The following EFEMP1 variants were observed in gnomAD, a reference collection of about 807,000 sequenced individuals.
EFEMP1 encodes the protein EGF-containing fibulin-like extracellular matrix protein 1.
EFEMP1 carries 18 observed loss-of-function variants against 65.7 expected under a neutral mutation model. That is an observed-to-expected ratio of 0.27 (90% CI 0.19 to 0.41). EFEMP1 has a LOEUF of 0.41. EFEMP1 is among the 10% of genes least tolerant of loss of function. EFEMP1 has a pLI of 1.00. For missense variants in EFEMP1, 469 were observed against 624.8 expected (o/e 0.75, Z 2.66); for synonymous variants, 237 against 219.7 (o/e 1.08, Z -0.70).
intron 5 of EFEMP1, among the ~76,000 whole-genome samples, chr2:55,890,325 C>A (rs957786710): frequency 6.6e-6 from 1 of 151,584 alleles, no homozygotes; most frequent in Admixed American, 6.6e-5. Flanking sequence ...TCAGTATAGA[C>A]AAATAAAAAA....
intron 6 of EFEMP1, among the ~76,000 whole-genome samples, chr2:55,879,123 T>C (rs1011519241): frequency 6.6e-6 from 1 of 152,144 alleles, no homozygotes; most frequent in Non-Finnish European, 1.5e-5. Context: ...GTACTCGACA[T>C]TGTGTTATGT....
Position 55,917,443 on chromosome 2 carries a change from C to A in EFEMP1, c.517+222G>T, listed in dbSNP as rs1670738463. ...AAATATGGGCAGCTAGGGTTGGGAA[C>A]CACTGATGAACTTTCTAAGCCACAG... On this transcript the variant is annotated intron_variant, in intron 5 of 11. Transcript: ENST00000355426. The surrounding 1 kb of genome is among the most constrained non-coding windows in gnomAD (Gnocchi z 6.3). Among the ~76,000 whole-genome samples the A allele has an allele frequency of 6.6e-6, 1 of 152,140 alleles. No homozygotes were observed. Among genetic ancestry groups the A allele is most frequent in the Non-Finnish European group, 1.5e-5 (1 of 68,028 alleles).
chr2:55,886,852 G>A lies in EFEMP1; in HGVS notation c.518-5118C>T, dbSNP rs1669438430. On this transcript the variant is annotated intron_variant, in intron 5 of 11. Coordinates refer to ENST00000355426, the MANE Select transcript of EFEMP1 (RefSeq NM_001039348.3). This position sits in a 1 kb window ranked among gnomAD's most constrained non-coding sequence, Gnocchi z 4.0. ...TTCAGCAAGACCTGAGGGCACTGAA[G>A]TTTACTACTGTTTTACTCATCCAGT... Among the ~76,000 whole-genome samples the A allele has an allele frequency of 6.6e-6, 1 of 152,126 alleles. No homozygotes were observed. Among genetic ancestry groups the A allele is most frequent in the African/African-American group, 2.4e-5 (1 of 41,438 alleles).
chr2:55,914,285 A>G (rs1014406117), intron 5 of EFEMP1, among the ~76,000 whole-genome samples: 3 of 152,224 alleles, frequency 2.0e-5, no homozygotes, highest in South Asian at 2.1e-4. Flanking sequence ...CTCCCACAGC[A>G]TGATCCTCAT....
At chr2:55,881,293 C>A (rs1447345205) in intron 6 of EFEMP1, among the ~76,000 whole-genome samples, 3 of 152,210 alleles carry the variant, frequency 2.0e-5, no homozygotes, top group Non-Finnish European at 2.9e-5. Context: ...ATGAAGCCCA[C>A]AGTACCAGTG....
At position 55,922,369 on chromosome 2, in the gene EFEMP1, G is replaced by C; in HGVS notation, c.72C>G (p.Ile24Met). ...TTCCATCACCCCTTACCGTGTACGT[G>C]ATGGTTTCTTCGGTGTCCTGTGACT... ...LVKSQDTEET[I>M]TYTQCTDGYE... The change falls in exon 3 of 12, where the codon ATC becomes ATG. Residue 24 changes from isoleucine to methionine, a missense_variant. By Grantham distance (10) the Ile-to-Met change is conservative (BLOSUM62 1). This residue lies in a region of EFEMP1 where 66 missense variants were observed against 73.0 expected (regional missense o/e 0.90). Transcript: ENST00000355426. This position sits in a 1 kb window ranked among gnomAD's most constrained non-coding sequence, Gnocchi z 5.5. 4.3e-6 allele frequency: 7 copies of C among 1,613,860 alleles called. No individual in the cohort carries two copies. The highest frequency in any genetic ancestry group is 5.9e-6 in the Non-Finnish European group (7 of 1,179,782).
rs1270993236 is a variant in EFEMP1 at position 55,909,329 on chromosome 2, T to A, written c.517+8336A>T. Among the ~76,000 whole-genome samples the A allele has an allele frequency of 2.6e-5, 4 of 152,164 alleles. No individual in the cohort carries two copies. The South Asian group carries it at 6.2e-4, about 24-fold the overall frequency. On this transcript the variant is annotated intron_variant, in intron 5 of 11. Transcript: ENST00000355426. ...ACAGAGCTAAATGAATTCATTAGCA[T>A]TTTGGTGGAGTTACGGAGGATGGAA...
Position 55,867,101 on chromosome 2 carries a change from G to A in EFEMP1, c.1454C>T (p.Thr485Ile), listed in dbSNP as rs867958244. 6.2e-7 allele frequency: 1 copy of A among 1,613,256 alleles called. No homozygotes were observed. Among genetic ancestry groups the A allele is most frequent in the African/African-American group, 1.3e-5 (1 of 74,996 alleles). ...AAATGAAAATGGCCCCACTATTATT[G>A]TCAATCTTAACACAGAGCTTGTGCG... ...TFRTSSVLRL[T>I]IIVGPFSF Residue 485 changes from threonine (T) to isoleucine (I), a missense_variant, in exon 12 of 12, where the codon ACA becomes ATA. Around this residue, in one of 3 missense-constraint regions of EFEMP1, gnomAD observed 399 missense variants for 528.2 expected, o/e 0.76. Transcript: ENST00000355426. This position sits in a 1 kb window ranked among gnomAD's most constrained non-coding sequence, Gnocchi z 4.3.
intron 5 of EFEMP1, among the ~76,000 whole-genome samples, chr2:55,884,321 A>G (rs1669349075): frequency 1.3e-5 from 2 of 152,368 alleles, no homozygotes; most frequent in South Asian, 4.1e-4. Flanking sequence ...GTCATATAAA[A>G]TTATTATACA....
chr2:55,898,639 C>T (rs975361939), intron 5 of EFEMP1, among the ~76,000 whole-genome samples: 1 of 152,096 alleles, frequency 6.6e-6, no homozygotes, highest in East Asian at 1.9e-4. Context: ...TTTTCCTCCT[C>T]ATCCTACACC....
At chr2:55,898,154 A>T (rs1669899484) in intron 5 of EFEMP1, among the ~76,000 whole-genome samples, 1 of 152,232 alleles carries the variant, frequency 6.6e-6, no homozygotes, top group Non-Finnish European at 1.5e-5. Context: ...ATTGTTCAGT[A>T]GACCATTGAA....
chr2:55,920,771 A>C (rs2104456509), intron 3 of EFEMP1, among the ~76,000 whole-genome samples: 1 of 152,352 alleles, frequency 6.6e-6, no homozygotes, highest in South Asian at 2.1e-4. Flanking sequence ...AGTGGAAGGA[A>C]GATGATGCCA....
chr2:55,904,979 C>CTT (rs1558481238), intron 5 of EFEMP1, among the ~76,000 whole-genome samples: 5 of 23,398 alleles, frequency 2.1e-4, no homozygotes, highest in South Asian at 1.9e-3. Flanking sequence ...TTTTTTTTTT[C>CTT]TTTTTCTTTT....
chr2:55,892,297 A>ATT (rs1484378243), intron 5 of EFEMP1, among the ~76,000 whole-genome samples: 3 of 152,148 alleles, frequency 2.0e-5, no homozygotes, highest in Non-Finnish European at 4.4e-5. Flanking sequence ...ATTAAAGCCT[A>ATT]CTTTGATAAA....
chr2:55,907,281 G>C (rs1450801980), intron 5 of EFEMP1, among the ~76,000 whole-genome samples: 1 of 152,188 alleles, frequency 6.6e-6, no homozygotes, highest in African/African-American at 2.4e-5. Context: ...GCATGTACTT[G>C]AATAGGTATC....
intron 9 of EFEMP1, among the ~76,000 whole-genome samples, chr2:55,872,694 A>G (rs1243072293): frequency 6.6e-6 from 1 of 152,116 alleles, no homozygotes; most frequent in Non-Finnish European, 1.5e-5. Flanking sequence ...TCAAGAACAG[A>G]CTGGGAAAGC....
rs939719329 is a variant in EFEMP1 at position 55,886,965 on chromosome 2, T to C, written c.518-5231A>G. Among the ~76,000 whole-genome samples the C allele has an allele frequency of 6.6e-6, 1 of 152,176 alleles. No individual in the cohort carries two copies. Among genetic ancestry groups the C allele is most frequent in the African/African-American group, 2.4e-5 (1 of 41,468 alleles). ...ATTTAGAAAAAAGTATATAATATTT[T>C]ATACAGATTCATATACAAACTTGGT... On this transcript the variant is annotated intron_variant, in intron 5 of 11. Transcript: ENST00000355426. The surrounding 1 kb of genome is among the most constrained non-coding windows in gnomAD (Gnocchi z 4.0).
chr2:55,890,748 A>G (rs1033520476), intron 5 of EFEMP1, among the ~76,000 whole-genome samples: 2 of 152,114 alleles, frequency 1.3e-5, no homozygotes, highest in African/African-American at 4.8e-5. Flanking sequence ...AAACTGAATG[A>G]AAATGAAAAT....
chr2:55,911,782 C>T (rs1388709209), intron 5 of EFEMP1, among the ~76,000 whole-genome samples: 1 of 152,136 alleles, frequency 6.6e-6, no homozygotes, highest in African/African-American at 2.4e-5. Context: ...CCTTCCACCT[C>T]TAACGGTTGT....
Sources: gnomAD v4.1 joint callset for allele counts (sites outside exome capture counted in the v4.1 genomes callset) on GRCh38, gnomAD v4.1.1 for gene constraint, gnomAD v4.1.1 regional missense constraint, Gnocchi (gnomAD v3.1) non-coding constraint, MANE v1.5 for transcripts, NCBI Gene and HGNC (gene_info 2026-07-23, HGNC 2026-07-21) for gene names.